GARIN1A: variants seen among roughly 807,000 people sequenced by gnomAD.
GARIN1A encodes the protein Golgi-associated RAB2 interactor protein 1A.
At chr7:128,700,832 A>G in the GARIN1A span, among the ~76,000 whole-genome samples, 3 of 151,978 alleles carry the variant, frequency 2.0e-5, no homozygotes, top group African/African-American at 7.2e-5. Context: ...ATGTACTAAC[A>G]TGAGCACACA....
chr7:128,672,270 G>T, the GARIN1A span: 1 of 726,166 alleles, frequency 1.4e-6, no homozygotes, highest in South Asian at 2.1e-5. Context: ...AGCCCTGGTG[G>T]ACAGCCCGTA....
chr7:128,671,939 T>A, the GARIN1A span, among the ~76,000 whole-genome samples: 2 of 152,032 alleles, frequency 1.3e-5, no homozygotes, highest in Admixed American at 1.3e-4. Flanking sequence ...GGTGAACAAG[T>A]CCCATGGAAG....
the GARIN1A span, chr7:128,683,007 A>T: frequency 2.5e-6 from 4 of 1,610,480 alleles, no homozygotes; most frequent in Admixed American, 3.4e-5. Context: ...CAGCAGCTAC[A>T]AGATACCCTC....
chr7:128,677,485 C>T, the GARIN1A span: 40 of 1,371,190 alleles, frequency 2.9e-5, no homozygotes, highest in Non-Finnish European at 3.6e-5. Context: ...CTAGCCTCGG[C>T]GGCAGCGAGA....
At chr7:128,677,742 A>C in the GARIN1A span, 2 of 1,613,862 alleles carry the variant, frequency 1.2e-6, no homozygotes, top group Non-Finnish European at 1.7e-6. Context: ...GTCCATCACC[A>C]CCAAAGACCC....
At chr7:128,705,117 G>T in the GARIN1A span, among the ~76,000 whole-genome samples, 35,717 of 152,084 alleles carry the variant, frequency 0.23, 5,097 homozygotes, top group East Asian at 0.61. Context: ...CGGATGTAAC[G>T]CGGTTTGTTT....
At chr7:128,706,493 C>T in the GARIN1A span, among the ~76,000 whole-genome samples, 1 of 151,966 alleles carries the variant, frequency 6.6e-6, no homozygotes, top group Non-Finnish European at 1.5e-5. Flanking sequence ...CCATCTCTCT[C>T]TCTCTCTATT....
chr7:128,699,463 T>C, the GARIN1A span, among the ~76,000 whole-genome samples: 4 of 152,334 alleles, frequency 2.6e-5, no homozygotes, highest in South Asian at 6.2e-4. Flanking sequence ...TTTTCGGGGA[T>C]GCTTGCACTC....
At chr7:128,672,029 C>T in the GARIN1A span, among the ~76,000 whole-genome samples, 2 of 152,136 alleles carry the variant, frequency 1.3e-5, no homozygotes, top group African/African-American at 4.8e-5. Flanking sequence ...CTGGCCAGCT[C>T]ACTGCTGCCT....
the GARIN1A span, chr7:128,697,645 C>T: frequency 1.3e-5 from 2 of 153,416 alleles, no homozygotes; most frequent in Admixed American, 1.3e-4. Context: ...TACTCCGTCG[C>T]AGCCCGGGAC....
the GARIN1A span, among the ~76,000 whole-genome samples, chr7:128,680,598 C>CTTGT: frequency 7.2e-6 from 1 of 139,236 alleles, no homozygotes; most frequent in South Asian, 2.2e-4. Context: ...GAGTTTCACT[C>CTTGT]TTGTTGCCCA....
At chr7:128,674,053 C>G in the GARIN1A span, among the ~76,000 whole-genome samples, 1 of 152,070 alleles carries the variant, frequency 6.6e-6, no homozygotes, top group Non-Finnish European at 1.5e-5. Context: ...ACCACCTCGC[C>G]CAGCTAATTT....
the GARIN1A span, among the ~76,000 whole-genome samples, chr7:128,679,841 G>GGTGTGACCCTGCCAGGGGTCTC: frequency 6.6e-6 from 1 of 152,180 alleles, no homozygotes; most frequent in Non-Finnish European, 1.5e-5. Flanking sequence ...CCAGGGAGCA[G>GGTGTGACCCTGCCAGGGGTCTC]GTGTGACCCT....
At chr7:128,676,990 T>C in the GARIN1A span, among the ~76,000 whole-genome samples, 2 of 150,734 alleles carry the variant, frequency 1.3e-5, no homozygotes, top group East Asian at 2.0e-4. Context: ...CTGGGCAACA[T>C]AGGGAGATCC....
the GARIN1A span, chr7:128,677,517 A>AAAAAG: frequency 5.3e-5 from 78 of 1,466,568 alleles, no homozygotes; most frequent in African/African-American, 3.6e-4. Context: ...AAAAAAAAAA[A>AAAAAG]AAAGAAACCA....
chr7:128,682,033 G>C, the GARIN1A span, among the ~76,000 whole-genome samples: 6 of 152,094 alleles, frequency 3.9e-5, no homozygotes, highest in South Asian at 1.2e-3. Context: ...GTCCACATCT[G>C]GTCCTCAGGA....
chr7:128,676,637 G>C, the GARIN1A span, among the ~76,000 whole-genome samples: 1 of 151,694 alleles, frequency 6.6e-6, no homozygotes, highest in Admixed American at 6.6e-5. Context: ...GGAAAAGGTG[G>C]GGATACAAAA....
the GARIN1A span, among the ~76,000 whole-genome samples, chr7:128,702,360 C>A: frequency 2.2e-4 from 33 of 152,136 alleles, 1 homozygote; most frequent in Non-Finnish European, 3.8e-4. Context: ...AACTGTATGA[C>A]AACAATATCA....
the GARIN1A span, among the ~76,000 whole-genome samples, chr7:128,675,353 G>A: frequency 4.4e-3 from 667 of 152,172 alleles, 8 homozygotes; most frequent in African/African-American, 0.015. Flanking sequence ...ACCAGTGCTG[G>A]CTTCTCCTGC....
Sources: allele counts gnomAD v4.1 joint callset (sites outside exome capture counted in the v4.1 genomes callset), GRCh38; gene constraint gnomAD v4.1.1; transcripts MANE v1.5; gene names NCBI Gene and HGNC (gene_info 2026-07-23, HGNC 2026-07-21).